FIGN: variants seen among roughly 807,000 people sequenced by gnomAD.
FIGN encodes the protein fidgetin.
FIGN carries 11 observed loss-of-function variants against 51.3 expected under a neutral mutation model. The ratio of observed to expected loss-of-function variants is 0.21; its 90% confidence interval spans 0.13 to 0.35. FIGN has a LOEUF of 0.35. Among genes scored for constraint, FIGN ranks in the 10% least tolerant of loss-of-function variants. The probability of loss-of-function intolerance (pLI) is 1.00; values close to 1 mark genes in which losing one functional copy is unlikely to be tolerated. For synonymous variants in FIGN, 407 were observed against 363.2 expected (o/e 1.12, Z -1.37); for missense variants, 857 against 943.6 (o/e 0.91, Z 1.20).
Position 163,660,867 on chromosome 2 carries a change from A to G in FIGN, c.26-49061T>C, listed in dbSNP as rs1320148414. On this transcript the variant is annotated intron_variant, in intron 2 of 2. Transcript: ENST00000333129. ...CATATATATATGTATACATATATAT[A>G]TATATATATATATTTTTTTTTTTTT... 4.1e-4 allele frequency among the ~76,000 whole-genome samples: 10 copies of G among 24,470 alleles called. 1 individual carries two copies. The highest frequency in any genetic ancestry group is 1.4e-3 in the African/African-American group (8 of 5,676). The allele number at this position is 24,470 out of a possible 152,430, so 16.1% of individuals were successfully genotyped here.
At position 163,701,185 on chromosome 2, in the gene FIGN, T is replaced by A. The variant is rs534883652; in HGVS notation, c.25+33718A>T. 3.3e-5 allele frequency among the ~76,000 whole-genome samples: 5 copies of A among 152,298 alleles called. No homozygotes were observed. The South Asian group carries it at 1.0e-3, about 32-fold the overall frequency. On this transcript the variant is annotated intron_variant, in intron 2 of 2. Coordinates refer to ENST00000333129, the MANE Select transcript of FIGN (RefSeq NM_018086.4). ...AGTCCTCTGCAACTTCTTAATTGTT[T>A]GACCTGGGCAATTTCCTTAATCTCA... is the stretch of plus-strand genomic sequence containing the variant.
intron 2 of FIGN, among the ~76,000 whole-genome samples, chr2:163,662,893 C>A (rs1438670858): frequency 2.0e-5 from 3 of 152,176 alleles, no homozygotes; most frequent in Admixed American, 6.5e-5. Context: ...TTTGCTTCTT[C>A]CTCATTTTTC....
chr2:163,665,951 T>A (rs1406187516), intron 2 of FIGN, among the ~76,000 whole-genome samples: 1 of 152,196 alleles, frequency 6.6e-6, no homozygotes, highest in Non-Finnish European at 1.5e-5. Context: ...ATGTATTATA[T>A]GATGAAAGCC....
rs1281015043 is a variant in FIGN at position 163,610,822 on chromosome 2, C to T, written c.1010G>A (p.Ser337Asn). 2 of 1,544,116 alleles carry T rather than the reference C, an allele frequency of 1.3e-6. No individual in the cohort carries two copies. Among genetic ancestry groups the T allele is most frequent in the Non-Finnish European group, 1.7e-6 (2 of 1,149,214 alleles). Residue 337 changes from serine to asparagine, a missense_variant, in exon 3 of 3, where the codon AGC becomes AAC. Around this residue, in one of 3 missense-constraint regions of FIGN, gnomAD observed 799 missense variants for 849.5 expected, o/e 0.94. Transcript: ENST00000333129. ...CTGTGTAGATCTCTGTTGGCCATAG[C>T]TGTAATTTCCATAACTGGAGTCCAT... is the stretch of plus-strand genomic sequence containing the variant. The part of the protein sequence containing the change: ...GDMDSSYGNY[S>N]YGQQRSTQSP...
At chr2:163,633,728 G>T (rs905072188) in intron 2 of FIGN, among the ~76,000 whole-genome samples, 1 of 152,110 alleles carries the variant, frequency 6.6e-6, no homozygotes, top group Non-Finnish European at 1.5e-5. Context: ...TGTTTCTAGA[G>T]ACCTCATGTA....
intron 2 of FIGN, among the ~76,000 whole-genome samples, chr2:163,658,954 ACTC>A (rs1180844221): frequency 6.6e-6 from 1 of 151,804 alleles, no homozygotes; most frequent in Non-Finnish European, 1.5e-5. Flanking sequence ...TCATCCAACA[ACTC>A]CTTGTGCCCC....
intron 2 of FIGN, among the ~76,000 whole-genome samples, chr2:163,717,399 C>G (rs1403064636): frequency 7.2e-5 from 11 of 152,024 alleles, no homozygotes. Context: ...AGCATTTAAC[C>G]TAAAAGCGTT....
Position 163,611,406 on chromosome 2 carries a change from T to G in FIGN, c.426A>C (p.Ala142=), listed in dbSNP as rs1691256078. Residue 142 remains alanine, a synonymous_variant, in exon 3 of 3, where the codon GCA becomes GCC. Coordinates refer to ENST00000333129, the MANE Select transcript of FIGN (RefSeq NM_018086.4). ...KAGVSSALPP[A]DVSASIGSSP... ...AGCTTCCTATACTCGCAGAGACATC[T>G]GCTGGAGGGAGGGCTGAACTGACTC... 6 of 1,614,170 alleles carry G rather than the reference T, an allele frequency of 3.7e-6. No homozygotes were observed. Among genetic ancestry groups the G allele is most frequent in the Non-Finnish European group, 5.1e-6 (6 of 1,180,002 alleles).
At chr2:163,634,968 T>A (rs1475737191) in intron 2 of FIGN, among the ~76,000 whole-genome samples, 1 of 152,118 alleles carries the variant, frequency 6.6e-6, no homozygotes, top group Non-Finnish European at 1.5e-5. Flanking sequence ...GAAAATAATT[T>A]AAAAAAATCT....
chr2:163,629,087 C>T (rs1440472), intron 2 of FIGN, among the ~76,000 whole-genome samples: 46,459 of 151,922 alleles, frequency 0.31, 8,013 homozygotes, highest in African/African-American at 0.46. Context: ...TGGGAATCCA[C>T]TGAAACTATG....
intron 2 of FIGN, among the ~76,000 whole-genome samples, chr2:163,627,021 C>T (rs1683064729): frequency 6.6e-6 from 1 of 152,144 alleles, no homozygotes; most frequent in South Asian, 2.1e-4. Context: ...CCCACCCTTT[C>T]CCAGAAAACT....
chr2:163,709,738 C>T (rs1310559882), intron 2 of FIGN, among the ~76,000 whole-genome samples: 1 of 151,996 alleles, frequency 6.6e-6, no homozygotes, highest in Non-Finnish European at 1.5e-5. Flanking sequence ...AAACATAAAA[C>T]ACATACTTCG....
chr2:163,677,136 T>C (rs1352334571), intron 2 of FIGN, among the ~76,000 whole-genome samples: 1 of 152,194 alleles, frequency 6.6e-6, no homozygotes, highest in Non-Finnish European at 1.5e-5. Context: ...GTTTGCAGAA[T>C]GGGCATGGCT....
intron 2 of FIGN, among the ~76,000 whole-genome samples, chr2:163,683,887 G>T (rs1684104658): frequency 6.6e-6 from 1 of 151,674 alleles, no homozygotes; most frequent in Non-Finnish European, 1.5e-5. Flanking sequence ...TATTAAGGTT[G>T]TTTTTTTTCA....
At chr2:163,712,275 T>C (rs995435986) in intron 2 of FIGN, among the ~76,000 whole-genome samples, 2 of 152,114 alleles carry the variant, frequency 1.3e-5, no homozygotes, top group African/African-American at 4.8e-5. Context: ...GTTTGTCCTC[T>C]AAAAGAATAT....
chr2:163,629,628 G>A (rs1469771896), intron 2 of FIGN, among the ~76,000 whole-genome samples: 1 of 152,068 alleles, frequency 6.6e-6, no homozygotes, highest in African/African-American at 2.4e-5. Context: ...TGTAAATAAA[G>A]TTGTATTGGA....
rs1056965067 is a variant in FIGN at position 163,735,825 on chromosome 2, A to G, written c.-146+13T>C. ...TTTAAACAGATGGTAGAAAACTACG[A>G]AGCTCCTCTTACCTGAACGCGCGGA... On this transcript the variant is annotated intron_variant, in intron 1 of 2. Coordinates refer to ENST00000333129, the MANE Select transcript of FIGN (RefSeq NM_018086.4). 4 of 152,648 alleles carry G rather than the reference A, an allele frequency of 2.6e-5. No individual in the cohort carries two copies. The highest frequency in any genetic ancestry group is 5.9e-5 in the Non-Finnish European group (4 of 68,060). 9.5% of individuals were successfully genotyped at this position (152,648 alleles called of 1,614,324 possible).
intron 2 of FIGN, among the ~76,000 whole-genome samples, chr2:163,728,878 C>T (rs1559035102): frequency 6.6e-6 from 1 of 152,084 alleles, no homozygotes; most frequent in Non-Finnish European, 1.5e-5. Context: ...TGCGCTGGGT[C>T]TCAGAAATTA....
At chr2:163,698,248 C>G (rs1190562353) in intron 2 of FIGN, among the ~76,000 whole-genome samples, 1 of 152,082 alleles carries the variant, frequency 6.6e-6, no homozygotes, top group East Asian at 1.9e-4. Flanking sequence ...CTGGGAGGTT[C>G]TCTAACAGCC....
Sources: gnomAD v4.1 joint callset for allele counts (sites outside exome capture counted in the v4.1 genomes callset) on GRCh38, gnomAD v4.1.1 for gene constraint, gnomAD v4.1.1 regional missense constraint, MANE v1.5 for transcripts, NCBI Gene and HGNC (gene_info 2026-07-23, HGNC 2026-07-21) for gene names.